CACNA1B: variants seen among roughly 807,000 people sequenced by gnomAD.
CACNA1B encodes calcium voltage-gated channel subunit alpha1 B.
In CACNA1B, 70 loss-of-function variants were observed where a neutral mutation model predicts 247.2. The ratio of observed to expected loss-of-function variants is 0.28; its 90% CI spans 0.23 to 0.35. The LOEUF is 0.35. Among genes scored for constraint, CACNA1B ranks in the 10% least tolerant of loss-of-function variants. The pLI is 1.00. For synonymous variants in CACNA1B, 1,231 were observed against 1,294.4 expected (o/e 0.95, Z 1.05); for missense variants, 2,367 against 3,197.4 (o/e 0.74, Z 6.26).
intron 20 of CACNA1B, among the ~76,000 whole-genome samples, chr9:138,034,835 C>G (rs927639835): frequency 9.2e-5 from 14 of 152,148 alleles, no homozygotes; most frequent in Non-Finnish European, 1.9e-4. Flanking sequence ...TTTCTGTTAT[C>G]TGAGGTCCAC....
chr9:137,934,100 G>T (rs1419135937), intron 6 of CACNA1B, among the ~76,000 whole-genome samples: 3 of 152,182 alleles, frequency 2.0e-5, no homozygotes, highest in Non-Finnish European at 4.4e-5. Context: ...CGATAAGTAT[G>T]CAACAAAGAC....
chr9:138,106,113 C>T (rs889312892), intron 39 of CACNA1B, among the ~76,000 whole-genome samples: 2 of 152,198 alleles, frequency 1.3e-5, no homozygotes, highest in Non-Finnish European at 2.9e-5. Flanking sequence ...CCTGGTCAAG[C>T]CTCACCACAG....
At chr9:138,113,921 A>G (rs984005265) in intron 40 of CACNA1B, among the ~76,000 whole-genome samples, 2 of 144,696 alleles carry the variant, frequency 1.4e-5, no homozygotes, top group Non-Finnish European at 3.0e-5. Flanking sequence ...AAGGTGCCCA[A>G]CTCCATCTTG....
Position 138,059,186 on chromosome 9 carries a change from G to A in CACNA1B, c.4581G>A (p.Val1527=), listed in dbSNP as rs910315289. The A allele has an allele frequency of 2.5e-6, 4 of 1,585,420 alleles. No individual in the cohort carries two copies. In the African/African-American group the frequency reaches 4.0e-5, roughly 16 times the overall value. ...TGCTGAAGATCATCGCCTTTGGGGT[G>A]CTGGTACGTGCTTTGGTCCCTGCTT... The part of the protein sequence containing the change: ...ECVLKIIAFG[V]LNYFRDAWNV... Residue 1527 remains valine, a synonymous_variant, in exon 30 of 47, where the codon GTG becomes GTA. Transcript: ENST00000371372. The surrounding 1 kb of genome is among the most constrained non-coding windows in gnomAD (Gnocchi z 4.2).
At chr9:138,078,343 T>C in intron 36 of CACNA1B, 85 bp downstream of exon 36, 1 of 1,362,976 alleles carries the variant, frequency 7.3e-7, no homozygotes, top group Non-Finnish European at 1.0e-6. Flanking sequence ...TGCTGATCCC[T>C]GACTCTGATC....
At chr9:137,936,620 A>C (rs1313889529) in intron 6 of CACNA1B, among the ~76,000 whole-genome samples, 3 of 152,214 alleles carry the variant, frequency 2.0e-5, no homozygotes, top group Non-Finnish European at 2.9e-5. Flanking sequence ...TAAGTCTGAC[A>C]TTTAAGTCTT....
chr9:138,080,589 A>T (rs1960493829), intron 36 of CACNA1B, among the ~76,000 whole-genome samples: 1 of 152,198 alleles, frequency 6.6e-6, no homozygotes, highest in South Asian at 2.1e-4. Flanking sequence ...ATCTCTGTGG[A>T]TCTTAAAAGC....
At chr9:137,936,136 C>T (rs974489095) in intron 6 of CACNA1B, among the ~76,000 whole-genome samples, 10 of 152,180 alleles carry the variant, frequency 6.6e-5, no homozygotes, top group Non-Finnish European at 1.0e-4. Flanking sequence ...GGATTACAGG[C>T]GTGAGCCACT....
At chr9:138,099,126 TG>T (rs1204953229) in intron 37 of CACNA1B, among the ~76,000 whole-genome samples, 1 of 152,188 alleles carries the variant, frequency 6.6e-6, no homozygotes, top group Non-Finnish European at 1.5e-5. Flanking sequence ...TGCACATGTG[TG>T]GTGCACAAAC....
intron 3 of CACNA1B, among the ~76,000 whole-genome samples, chr9:137,897,138 C>T (rs924709414): frequency 2.0e-5 from 3 of 152,062 alleles, no homozygotes; most frequent in Non-Finnish European, 4.4e-5. Flanking sequence ...CTTACTATTT[C>T]ATTTATTTCT....
Position 138,058,373 on chromosome 9 carries a change from G to A in CACNA1B, c.4308+123G>A, listed in dbSNP as rs1017189126. The A allele has an allele frequency of 1.0e-6, 1 of 996,198 alleles. No individual in the cohort carries two copies. The allele number at this position is 996,198 out of a possible 1,614,324, so 61.7% of individuals were successfully genotyped here. A position where few individuals can be genotyped will look rare whatever the true frequency, so the allele number is the denominator to read the frequency against. Reference sequence around the variant, plus strand: ...GGCTGCCACCGTCTGCCAACACAGGGGCAGGTCCTCCTTTCTCCTGCAGAG... The same window carrying A: ...GGCTGCCACCGTCTGCCAACACAGGAGCAGGTCCTCCTTTCTCCTGCAGAG... On this transcript the variant is annotated intron_variant, in intron 28 of 46. Transcript: ENST00000371372. This position sits in a 1 kb window ranked among gnomAD's most constrained non-coding sequence, Gnocchi z 4.7.
At chr9:137,931,400 C>T (rs1446141306) in intron 6 of CACNA1B, among the ~76,000 whole-genome samples, 2 of 152,022 alleles carry the variant, frequency 1.3e-5, no homozygotes, top group South Asian at 2.1e-4. Flanking sequence ...TTCCATTTTT[C>T]GTCTGCGATA....
intron 38 of CACNA1B, 104 bp from the exon 39 acceptor site, chr9:138,105,595 A>T: frequency 1.5e-6 from 1 of 680,962 alleles, no homozygotes; most frequent in Non-Finnish European, 2.6e-6. Context: ...AGGCACCACC[A>T]CTGGGATGCC....
At position 138,102,651 on chromosome 9, in the gene CACNA1B, C is replaced by T; in HGVS notation, c.5223-60C>T. On this transcript the variant is annotated intron_variant, in intron 37 of 46. Coordinates refer to ENST00000371372, the MANE Select transcript of CACNA1B (RefSeq NM_000718.4). This position sits in a 1 kb window ranked among gnomAD's most constrained non-coding sequence, Gnocchi z 5.4. ...CGCTCCCCTCCCCGCTCCCCTCCTG[C>T]TGCCGCTCCTCCTGTGGACCACCCC... The T allele has an allele frequency of 1.1e-6, 1 of 909,646 alleles. No individual in the cohort carries two copies. The highest frequency in any genetic ancestry group is 1.6e-5 in the South Asian group (1 of 62,580). 56.3% of individuals were successfully genotyped at this position (909,646 alleles called of 1,614,324 possible). A position where few individuals can be genotyped will look rare whatever the true frequency, so the allele number is the denominator to read the frequency against.
At chr9:138,071,453 C>T (rs1960130216) in intron 32 of CACNA1B, among the ~76,000 whole-genome samples, 1 of 152,178 alleles carries the variant, frequency 6.6e-6, no homozygotes, top group South Asian at 2.1e-4. Flanking sequence ...CTGTCCCTTG[C>T]TCTCCTGCAT....
chr9:138,052,235 CGT>C lies in CACNA1B; in HGVS notation c.3807+59_3807+60del, dbSNP rs750199564. On this transcript the variant is annotated intron_variant, in intron 25 of 46. Coordinates refer to ENST00000371372, the MANE Select transcript of CACNA1B (RefSeq NM_000718.4). This position sits in a 1 kb window ranked among gnomAD's most constrained non-coding sequence, Gnocchi z 5.1. ...TTGAGGGATGTGCTGTGTGTGTGTG[CGT>C]GTGTGTGTGTGCGTGTGTGTGTGTG... 806 of 942,236 alleles carry C rather than the reference CGT, an allele frequency of 8.6e-4. 8 individuals carry two copies. The highest frequency in any genetic ancestry group is 2.8e-3 in the South Asian group (198 of 70,308). The allele number at this position is 942,236 out of a possible 1,614,324, so 58.4% of individuals were successfully genotyped here. A position where few individuals can be genotyped will look rare whatever the true frequency, so the allele number is the denominator to read the frequency against.
chr9:138,073,335 G>T lies in CACNA1B; in HGVS notation c.4675-153G>T. 1 of 590,236 alleles carries T rather than the reference G, an allele frequency of 1.7e-6. No individual in the cohort carries two copies. The allele number at this position is 590,236 out of a possible 1,614,324, so 36.6% of individuals were successfully genotyped here. A position where few individuals can be genotyped will look rare whatever the true frequency, so the allele number is the denominator to read the frequency against. ...GAAGATTTTCTGGTGGCCGATTGCT[G>T]CTTAGACTGTGAAGCAGAGACCTTT... On this transcript the variant is annotated intron_variant, in intron 32 of 46. Coordinates refer to ENST00000371372, the MANE Select transcript of CACNA1B (RefSeq NM_000718.4). This position sits in a 1 kb window ranked among gnomAD's most constrained non-coding sequence, Gnocchi z 6.4.
At chr9:137,907,943 T>G (rs1033311915) in intron 3 of CACNA1B, among the ~76,000 whole-genome samples, 3 of 152,210 alleles carry the variant, frequency 2.0e-5, no homozygotes, top group African/African-American at 7.2e-5. Flanking sequence ...CCACCCTTTT[T>G]CCATGATTTG....
In CACNA1B at chr9:138,100,290, T is replaced by C. The variant is rs1315382024; in HGVS notation, c.5223-2421T>C. The stretch of plus-strand genomic sequence containing the variant: ...AGACCGTTTGAGAAAGGCATTGAAA[T>C]TGGTTGAACAAGTCGCTTTGATTTT... On this transcript the variant is annotated intron_variant, in intron 37 of 46. Transcript: ENST00000371372. This position sits in a 1 kb window ranked among gnomAD's most constrained non-coding sequence, Gnocchi z 4.6. Among the ~76,000 whole-genome samples, 1 of 152,054 alleles carries C rather than the reference T, an allele frequency of 6.6e-6. No homozygotes were observed. The highest frequency in any genetic ancestry group is 1.5e-5 in the Non-Finnish European group (1 of 68,006).
Sources: allele counts gnomAD v4.1 joint callset (sites outside exome capture counted in the v4.1 genomes callset), GRCh38; gene constraint gnomAD v4.1.1; non-coding constraint Gnocchi (gnomAD v3.1); transcripts MANE v1.5; gene names NCBI Gene and HGNC (gene_info 2026-07-23, HGNC 2026-07-21).